The following PPP1CB variants were observed in gnomAD, a reference collection of about 807,000 sequenced individuals.
The protein encoded by PPP1CB is protein phosphatase 1 catalytic subunit beta, also known as serine/threonine-protein phosphatase PP1-beta catalytic subunit.
In PPP1CB, 2 loss-of-function variants were observed where a neutral mutation model predicts 43.7. The ratio of observed to expected loss-of-function variants is 0.05; its 90% CI spans 0.02 to 0.14. The LOEUF (loss-of-function observed/expected upper bound fraction) is 0.14, where lower values mean the gene tolerates loss of function less well. Ranked by LOEUF, PPP1CB falls within the 10% of genes least tolerant of loss-of-function variation. PPP1CB has a pLI of 1.00. For missense variants in PPP1CB, 84 were observed against 398.0 expected, an observed-to-expected ratio of 0.21 and a Z score of 6.71; for synonymous variants, 136 against 135.6, an observed-to-expected ratio of 1.00 and a Z score of -0.02.
At chr2:28,797,252 A>G (rs1667515087) in intron 7 of PPP1CB, among the ~76,000 whole-genome samples, 1 of 151,972 alleles carries the variant, frequency 6.6e-6, no homozygotes, top group South Asian at 2.1e-4. Context: ...TGCCTCTGCT[A>G]GGTTTTGGTA....
intron 1 of PPP1CB, among the ~76,000 whole-genome samples, chr2:28,769,595 C>G (rs1275150528): frequency 1.3e-5 from 2 of 151,980 alleles, no homozygotes; most frequent in Non-Finnish European, 2.9e-5. Flanking sequence ...CAGATAAAAG[C>G]AAAGAACTGC....
intron 1 of PPP1CB, among the ~76,000 whole-genome samples, chr2:28,761,087 T>G (rs1666634753): frequency 6.6e-6 from 1 of 152,106 alleles, no homozygotes; most frequent in South Asian, 2.1e-4. Context: ...TTTTTAGTAG[T>G]AGAGATGGGA....
chr2:28,789,273 G>A (rs182604776), intron 6 of PPP1CB, among the ~76,000 whole-genome samples: 347 of 152,108 alleles, frequency 2.3e-3, no homozygotes, highest in Non-Finnish European at 4.2e-3. Context: ...TTGGCAAGCT[G>A]AGATGGGTGG....
At chr2:28,762,146 G>A (rs746013161) in intron 1 of PPP1CB, among the ~76,000 whole-genome samples, 1 of 152,114 alleles carries the variant, frequency 6.6e-6, no homozygotes, top group Non-Finnish European at 1.5e-5. Context: ...TTAGCTGGGC[G>A]TGATGTCACA....
At chr2:28,770,401 T>TG (rs1410697497) in intron 1 of PPP1CB, among the ~76,000 whole-genome samples, 3 of 81,626 alleles carry the variant, frequency 3.7e-5, no homozygotes, top group Non-Finnish European at 4.8e-5. Context: ...GAGGGGGGTG[T>TG]GGGGGAGACG....
intron 1 of PPP1CB, among the ~76,000 whole-genome samples, chr2:28,760,986 C>G (rs571922097): frequency 6.6e-6 from 1 of 152,210 alleles, no homozygotes; most frequent in East Asian, 1.9e-4. Flanking sequence ...CTGCAGCCTC[C>G]GCCTCCTGGG....
chr2:28,779,103 C>A, intron 3 of PPP1CB, 64 bp downstream of exon 3: 1 of 1,264,788 alleles, frequency 7.9e-7, no homozygotes, highest in South Asian at 1.4e-5. Flanking sequence ...TTTTCTGGTT[C>A]AGAAGAGTTG....
At chr2:28,765,053 A>G (rs1034245358) in intron 1 of PPP1CB, among the ~76,000 whole-genome samples, 1 of 152,226 alleles carries the variant, frequency 6.6e-6, no homozygotes, top group African/African-American at 2.4e-5. Flanking sequence ...AGTGAAAAGT[A>G]AAATTTAGTA....
intron 1 of PPP1CB, among the ~76,000 whole-genome samples, 193 bp downstream of exon 1, chr2:28,752,369 G>C (rs907960914): frequency 2.0e-5 from 3 of 152,152 alleles, no homozygotes; most frequent in Admixed American, 2.0e-4. Context: ...CTGGGAGCGC[G>C]GTCAGGGGAG....
intron 6 of PPP1CB, among the ~76,000 whole-genome samples, chr2:28,791,472 A>T (rs1169488699): frequency 6.6e-6 from 1 of 151,954 alleles, no homozygotes; most frequent in Non-Finnish European, 1.5e-5. Flanking sequence ...CTGGGACTAC[A>T]GGTGTATGCC....
At chr2:28,784,156 A>T (rs1173505369) in intron 5 of PPP1CB, among the ~76,000 whole-genome samples, 178 bp downstream of exon 5, 3 of 152,206 alleles carry the variant, frequency 2.0e-5, no homozygotes, top group African/African-American at 7.2e-5. Context: ...CTTTGCACTG[A>T]TCCTCAAAAT....
chr2:28,754,789 A>G (rs1173826927), intron 1 of PPP1CB, among the ~76,000 whole-genome samples: 1 of 152,268 alleles, frequency 6.6e-6, no homozygotes. Context: ...TAGCAAGAAT[A>G]ACTATGGTTA....
chr2:28,757,569 A>T (rs1666523821), intron 1 of PPP1CB, among the ~76,000 whole-genome samples: 1 of 152,174 alleles, frequency 6.6e-6, no homozygotes, highest in Admixed American at 6.5e-5. Flanking sequence ...TTCTGTAGGG[A>T]AGGTGTTTTG....
At chr2:28,752,503 T>C (rs1559037118) in intron 1 of PPP1CB, among the ~76,000 whole-genome samples, 1 of 152,196 alleles carries the variant, frequency 6.6e-6, no homozygotes, top group African/African-American at 2.4e-5. Flanking sequence ...CGCGCCGTGG[T>C]GCTCGCCTCC....
intron 7 of PPP1CB, among the ~76,000 whole-genome samples, chr2:28,797,952 C>G (rs573359824): frequency 5.3e-5 from 8 of 152,224 alleles, no homozygotes; most frequent in African/African-American, 1.9e-4. Context: ...TCCCATTCCT[C>G]TTTCTCTTTA....
At chr2:28,752,354 G>A (rs974412235) in intron 1 of PPP1CB, among the ~76,000 whole-genome samples, 178 bp downstream of exon 1, 4 of 152,136 alleles carry the variant, frequency 2.6e-5, no homozygotes, top group Non-Finnish European at 5.9e-5. Context: ...GCGGGGGAGC[G>A]GCCTCTGGGA....
chr2:28,755,005 T>C (rs1473584148), intron 1 of PPP1CB, among the ~76,000 whole-genome samples: 1 of 152,172 alleles, frequency 6.6e-6, no homozygotes, highest in Non-Finnish European at 1.5e-5. Context: ...TGAGTTGCTT[T>C]TTGTTTTTCT....
intron 7 of PPP1CB, among the ~76,000 whole-genome samples, chr2:28,798,475 G>A (rs1159544898): frequency 6.6e-6 from 1 of 152,014 alleles, no homozygotes; most frequent in African/African-American, 2.4e-5. Flanking sequence ...ATAAACTGTG[G>A]TACATCCATA....
At position 28,792,248 on chromosome 2, in the gene PPP1CB, G is replaced by C. The variant is rs187219246; in HGVS notation, c.745-1615G>C. On this transcript the variant is annotated intron_variant, in intron 6 of 7. Transcript: ENST00000395366. Reference sequence around the variant, plus strand: ...CCAGCTACATGGGAGGCTGAGGCAGGAGAATCGCTTGAACCTGGGAGGCAG... The same window carrying C: ...CCAGCTACATGGGAGGCTGAGGCAGCAGAATCGCTTGAACCTGGGAGGCAG... 2.8e-3 allele frequency among the ~76,000 whole-genome samples: 421 copies of C among 152,166 alleles called. 2 individuals are homozygous for C. The highest frequency in any genetic ancestry group is 2.3e-3 in the Non-Finnish European group (157 of 68,020).
Sources: allele counts gnomAD v4.1 joint callset (sites outside exome capture counted in the v4.1 genomes callset), GRCh38; gene constraint gnomAD v4.1.1; transcripts MANE v1.5; gene names NCBI Gene and HGNC (gene_info 2026-07-23, HGNC 2026-07-21).